Variants in KCNMA1 observed in about 807,000 individuals in gnomAD.
KCNMA1 encodes the protein Calcium-activated potassium channel subunit alpha-1.
KCNMA1 carries 29 observed loss-of-function variants against 140.0 expected under a neutral mutation model. The ratio of observed to expected loss-of-function variants is 0.21; its 90% CI spans 0.15 to 0.28. The LOEUF (loss-of-function observed/expected upper bound fraction) is 0.28, where lower values mean the gene tolerates loss of function less well. KCNMA1 is among the 10% of genes least tolerant of loss of function. The probability of loss-of-function intolerance (pLI) is 1.00; values close to 1 mark genes in which losing one functional copy is unlikely to be tolerated. For synonymous variants in KCNMA1, 612 were observed against 611.9 expected (o/e 1.00, Z 0.00); for missense variants, 880 against 1,602.2 (o/e 0.55, Z 7.70).
chr10:77,470,778 G>A (rs748554799), intron 1 of KCNMA1, among the ~76,000 whole-genome samples: 23 of 152,138 alleles, frequency 1.5e-4, no homozygotes, highest in Non-Finnish European at 3.4e-4. Context: ...TTCTCTACAA[G>A]AGCCATCAAA....
intron 1 of KCNMA1, among the ~76,000 whole-genome samples, chr10:77,521,909 C>T (rs1312025155): frequency 6.6e-6 from 1 of 152,134 alleles, no homozygotes; most frequent in African/African-American, 2.4e-5. Context: ...GGCACGGTGG[C>T]TCATGCCTGT....
At chr10:77,554,351 CT>C (rs1330766053) in intron 1 of KCNMA1, among the ~76,000 whole-genome samples, 2 of 152,002 alleles carry the variant, frequency 1.3e-5, no homozygotes, top group Non-Finnish European at 2.9e-5. Flanking sequence ...AATCCCAGCA[CT>C]TTGGGAGAAC....
chr10:77,146,940 C>T (rs1430503202), intron 5 of KCNMA1, among the ~76,000 whole-genome samples: 2 of 152,144 alleles, frequency 1.3e-5, no homozygotes, highest in Non-Finnish European at 2.9e-5. Context: ...TTTTCAGAGT[C>T]ATTTATCCCT....
intron 1 of KCNMA1, among the ~76,000 whole-genome samples, chr10:77,592,591 A>G (rs1037256534): frequency 6.6e-6 from 1 of 152,238 alleles, no homozygotes; most frequent in Admixed American, 6.5e-5. Flanking sequence ...GGTGAGGTGC[A>G]GTTGGCATCC....
At chr10:77,266,079 CAA>C (rs71975813) in intron 2 of KCNMA1, among the ~76,000 whole-genome samples, 1 of 137,498 alleles carries the variant, frequency 7.3e-6, no homozygotes, top group Non-Finnish European at 1.5e-5. Flanking sequence ...GAAAACCTGC[CAA>C]AAAAAAAAAA....
chr10:77,012,023 G>A lies in KCNMA1; in HGVS notation c.2036C>T (p.Ala679Val), dbSNP rs2090886861. 1.9e-6 allele frequency: 3 copies of A among 1,613,800 alleles called. No homozygotes were observed. The highest frequency in any genetic ancestry group is 2.5e-6 in the Non-Finnish European group (3 of 1,179,848). ...EVKRAFFYCK[A>V]CHDDITDPKR... Reference sequence around the variant, plus strand: ...GGGATCTGTGATGTCATCATGACAGGCCTTGCAGTAAAAAAATGCCCTGGA... The same window carrying A: ...GGGATCTGTGATGTCATCATGACAGACCTTGCAGTAAAAAAATGCCCTGGA... Residue 679 changes from alanine to valine, a missense_variant, in exon 18 of 28, where the codon GCC becomes GTC. Coordinates refer to ENST00000286628, the MANE Select transcript of KCNMA1 (RefSeq NM_001161352.2).
At chr10:77,240,883 C>G (rs1481611911) in intron 3 of KCNMA1, among the ~76,000 whole-genome samples, 2 of 152,184 alleles carry the variant, frequency 1.3e-5, no homozygotes, top group East Asian at 3.9e-4. Context: ...CTGTTGCACT[C>G]TCAGCGAACA....
chr10:77,184,664 C>T (rs1441363523), intron 4 of KCNMA1, among the ~76,000 whole-genome samples, 159 bp downstream of exon 4: 5 of 152,174 alleles, frequency 3.3e-5, no homozygotes, highest in Non-Finnish European at 7.3e-5. Context: ...AAATGCTTAG[C>T]TAAGGAGAGG....
At chr10:77,439,916 T>G (rs1379561777) in intron 1 of KCNMA1, among the ~76,000 whole-genome samples, 2 of 152,180 alleles carry the variant, frequency 1.3e-5, no homozygotes, top group Non-Finnish European at 2.9e-5. Flanking sequence ...GTCCATCTGA[T>G]TCATGCAAAA....
At chr10:76,989,931 G>A (rs2082291076) in intron 19 of KCNMA1, among the ~76,000 whole-genome samples, 2 of 152,134 alleles carry the variant, frequency 1.3e-5, no homozygotes, top group Admixed American at 1.3e-4. Flanking sequence ...TCTTGGTCAA[G>A]TTCATCTCTG....
chr10:76,960,488 C>T (rs947690103), intron 20 of KCNMA1, among the ~76,000 whole-genome samples: 3 of 151,092 alleles, frequency 2.0e-5, no homozygotes, highest in Non-Finnish European at 4.4e-5. Context: ...GCCAGTGAGC[C>T]GAGATCACAC....
intron 1 of KCNMA1, among the ~76,000 whole-genome samples, chr10:77,614,986 A>G (rs940525958): frequency 2.0e-5 from 3 of 152,236 alleles, no homozygotes; most frequent in Non-Finnish European, 4.4e-5. Context: ...GGAAGTCTTC[A>G]TGAAGGAACT....
intron 1 of KCNMA1, among the ~76,000 whole-genome samples, chr10:77,426,280 A>C (rs972034174): frequency 1.7e-4 from 26 of 152,120 alleles, no homozygotes; most frequent in Admixed American, 7.2e-4. Flanking sequence ...TCTATTGGGC[A>C]CTCATATAAA....
intron 1 of KCNMA1, among the ~76,000 whole-genome samples, chr10:77,596,709 CAT>C (rs1477675618): frequency 6.6e-6 from 1 of 152,144 alleles, no homozygotes; most frequent in Non-Finnish European, 1.5e-5. Context: ...TTATTTTAAA[CAT>C]ATGGAAAATT....
At chr10:77,530,704 G>C (rs2057388015) in intron 1 of KCNMA1, among the ~76,000 whole-genome samples, 1 of 152,104 alleles carries the variant, frequency 6.6e-6, no homozygotes. Flanking sequence ...TGTTCTATAG[G>C]AGACCTGTAG....
Position 76,944,897 on chromosome 10 carries a change from C to T in KCNMA1, c.2778G>A (p.Leu926=), listed in dbSNP as rs2063503077. The change falls in exon 23 of 28, where the codon CTG becomes CTA. Residue 926 remains leucine (L), a synonymous_variant. Coordinates refer to ENST00000286628, the MANE Select transcript of KCNMA1 (RefSeq NM_001161352.2). ...NINLCDMCVI[L]SANQNNIDDT... ...CATCAATATTATTCTGATTGGCTGA[C>T]AGGATAACGCACATGTCACAGAGGT... 1 of 1,613,870 alleles carries T rather than the reference C, an allele frequency of 6.2e-7. No individual in the cohort carries two copies. The highest frequency in any genetic ancestry group is 1.3e-5 in the African/African-American group (1 of 74,854).
chr10:76,906,320 T>C (rs2047826189), intron 25 of KCNMA1, among the ~76,000 whole-genome samples: 1 of 152,340 alleles, frequency 6.6e-6, no homozygotes, highest in African/African-American at 2.4e-5. Flanking sequence ...GGTATCATTC[T>C]GAAAAATACA....
chr10:76,913,002 G>A (rs899438238), intron 24 of KCNMA1: 19 of 152,292 alleles, frequency 1.2e-4, no homozygotes, highest in African/African-American at 4.6e-4. Flanking sequence ...CTGATAAATA[G>A]CTATACCTAC....
intron 14 of KCNMA1, among the ~76,000 whole-genome samples, chr10:77,067,478 T>TCC (rs1365359519): frequency 6.6e-6 from 1 of 152,112 alleles, no homozygotes; most frequent in African/African-American, 2.4e-5. Context: ...TCAACATCTC[T>TCC]CTCTCTCTCT....
Sources: allele counts gnomAD v4.1 joint callset (sites outside exome capture counted in the v4.1 genomes callset), GRCh38; gene constraint gnomAD v4.1.1; transcripts MANE v1.5; gene names NCBI Gene and HGNC (gene_info 2026-07-23, HGNC 2026-07-21).